The following PIBF1 variants were observed in gnomAD, a reference collection of about 807,000 sequenced individuals.
PIBF1 encodes the protein progesterone immunomodulatory binding factor 1, also known as progesterone-induced-blocking factor 1.
Under a neutral mutation model 112.5 loss-of-function variants are expected in PIBF1, and 90 were observed. The observed-to-expected ratio is 0.80, with a 90% CI of 0.67 to 0.95. The LOEUF (loss-of-function observed/expected upper bound fraction) is 0.95, where lower values mean the gene tolerates loss of function less well. PIBF1 is among the 40% of genes least tolerant of loss of function. The probability of loss-of-function intolerance (pLI) is 0.00; values close to 1 mark genes in which losing one functional copy is unlikely to be tolerated. For missense variants in PIBF1, 915 were observed against 852.3 expected (o/e 1.07, Z -0.92); for synonymous variants, 301 against 288.6 (o/e 1.04, Z -0.44).
chr13:72,869,667 T>G (rs2039080061), intron 10 of PIBF1, among the ~76,000 whole-genome samples: 1 of 151,814 alleles, frequency 6.6e-6, no homozygotes, highest in African/African-American at 2.4e-5. Context: ...AGCATTCCAC[T>G]TATAAGAAAG....
At chr13:72,990,528 C>CAA (rs113835188) in intron 16 of PIBF1, among the ~76,000 whole-genome samples, 29 of 63,754 alleles carry the variant, frequency 4.5e-4, no homozygotes, top group Non-Finnish European at 5.3e-4. Context: ...CTCTCCATCT[C>CAA]AAAAAAAAAA....
chr13:72,989,948 T>C (rs2043420325), intron 16 of PIBF1, among the ~76,000 whole-genome samples: 1 of 152,174 alleles, frequency 6.6e-6, no homozygotes, highest in Non-Finnish European at 1.5e-5. Context: ...GCACTGAGGC[T>C]CATGCCTGTA....
At chr13:72,968,246 A>G (rs1187212336) in intron 15 of PIBF1, among the ~76,000 whole-genome samples, 3 of 151,716 alleles carry the variant, frequency 2.0e-5, no homozygotes, top group African/African-American at 4.8e-5. Flanking sequence ...AGCCACATAT[A>G]GATGTTGAGC....
At chr13:72,911,628 A>C (rs2040897695) in intron 12 of PIBF1, among the ~76,000 whole-genome samples, 1 of 152,222 alleles carries the variant, frequency 6.6e-6, no homozygotes, top group Non-Finnish European at 1.5e-5. Flanking sequence ...AGATGTCATC[A>C]AAATTTAAAA....
chr13:72,869,639 T>TA (rs1223503919), intron 10 of PIBF1, among the ~76,000 whole-genome samples: 1 of 151,352 alleles, frequency 6.6e-6, no homozygotes, highest in Non-Finnish European at 1.5e-5. Flanking sequence ...AAATAAATAA[T>TA]AAAAAAATAA....
chr13:72,830,892 A>G (rs1319708404), intron 8 of PIBF1, among the ~76,000 whole-genome samples: 1 of 152,092 alleles, frequency 6.6e-6, no homozygotes, highest in Non-Finnish European at 1.5e-5. Context: ...CTGGGAATCC[A>G]TCTCATCCTG....
At chr13:72,865,283 A>G (rs992143853) in intron 10 of PIBF1, among the ~76,000 whole-genome samples, 11 of 152,174 alleles carry the variant, frequency 7.2e-5, no homozygotes, top group Admixed American at 2.0e-4. Context: ...CATAATAGGC[A>G]GTAGTATGTT....
chr13:72,863,423 G>A (rs759607823), intron 10 of PIBF1, among the ~76,000 whole-genome samples: 4 of 152,128 alleles, frequency 2.6e-5, no homozygotes, highest in East Asian at 1.9e-4. Flanking sequence ...AGGCCAAGGT[G>A]GGCGGATCAC....
At chr13:72,902,952 GTGTCACAATCT>G (rs1372223332) in intron 11 of PIBF1, among the ~76,000 whole-genome samples, 1 of 151,290 alleles carries the variant, frequency 6.6e-6, no homozygotes, top group Admixed American at 6.6e-5. Flanking sequence ...CTGGAATGCA[GTGTCACAATCT>G]CGGCTCACTG....
chr13:72,949,868 T>G (rs2042251951), intron 14 of PIBF1, among the ~76,000 whole-genome samples: 1 of 152,212 alleles, frequency 6.6e-6, no homozygotes, highest in Non-Finnish European at 1.5e-5. Flanking sequence ...TTTCATCTTA[T>G]GGAAGCCTTC....
intron 5 of PIBF1, among the ~76,000 whole-genome samples, chr13:72,815,898 T>A (rs1487145646): frequency 6.6e-6 from 1 of 152,178 alleles, no homozygotes; most frequent in Non-Finnish European, 1.5e-5. Context: ...ATTGATAAAT[T>A]TGGGGGTTAA....
At chr13:73,003,976 A>T (rs2043954012) in intron 17 of PIBF1, among the ~76,000 whole-genome samples, 1 of 151,958 alleles carries the variant, frequency 6.6e-6, no homozygotes, top group Non-Finnish European at 1.5e-5. Flanking sequence ...TATAATCTCA[A>T]AGTGCTGGGA....
At chr13:73,000,508 A>G (rs912202194) in intron 17 of PIBF1, among the ~76,000 whole-genome samples, 8 of 152,188 alleles carry the variant, frequency 5.3e-5, no homozygotes, top group African/African-American at 1.9e-4. Context: ...ATTAAGGGCT[A>G]TGGCTAGGCA....
intron 9 of PIBF1, among the ~76,000 whole-genome samples, chr13:72,851,834 G>C (rs1226256088): frequency 1.3e-5 from 2 of 152,194 alleles, no homozygotes; most frequent in Admixed American, 1.3e-4. Flanking sequence ...TGCCTGCAGA[G>C]AGGAGCTACC....
chr13:72,820,454 A>T (rs2036501188), intron 5 of PIBF1, among the ~76,000 whole-genome samples: 1 of 152,186 alleles, frequency 6.6e-6, no homozygotes, highest in Non-Finnish European at 1.5e-5. Context: ...GTACCATAGT[A>T]ACATTCCATT....
intron 11 of PIBF1, among the ~76,000 whole-genome samples, chr13:72,894,819 A>G (rs1411639144): frequency 6.8e-6 from 1 of 147,798 alleles, no homozygotes; most frequent in Non-Finnish European, 1.5e-5. Context: ...CTATAAAGGT[A>G]TTAGAAGTAA....
At chr13:72,851,144 C>G (rs997602288) in intron 9 of PIBF1, among the ~76,000 whole-genome samples, 1 of 152,196 alleles carries the variant, frequency 6.6e-6, no homozygotes, top group Non-Finnish European at 1.5e-5. Flanking sequence ...GCATGCTCCA[C>G]TGAGCCAGCA....
intron 10 of PIBF1, among the ~76,000 whole-genome samples, chr13:72,857,304 ATGTTTTT>A: frequency 6.6e-6 from 1 of 152,240 alleles, no homozygotes; most frequent in African/African-American, 2.4e-5. Flanking sequence ...CCATAGGAGA[ATGTTTTT>A]ATAATCTTGA....
intron 17 of PIBF1, among the ~76,000 whole-genome samples, chr13:73,005,480 A>G (rs556677346): frequency 1.3e-5 from 2 of 151,732 alleles, no homozygotes; most frequent in African/African-American, 4.8e-5. Flanking sequence ...TCTCAAAATA[A>G]TATATATAAA....
Sources: gnomAD v4.1 joint callset for allele counts (sites outside exome capture counted in the v4.1 genomes callset) on GRCh38, gnomAD v4.1.1 for gene constraint, MANE v1.5 for transcripts, NCBI Gene and HGNC (gene_info 2026-07-23, HGNC 2026-07-21) for gene names.